STX8: variants seen among roughly 807,000 people sequenced by gnomAD.
STX8 encodes syntaxin 8, also known as syntaxin-8.
A neutral mutation model predicts 37.5 loss-of-function variants in STX8; 23 were observed. The ratio of observed to expected loss-of-function variants is 0.61; its 90% CI spans 0.44 to 0.87. STX8 has a LOEUF of 0.87. Among genes scored for constraint, STX8 ranks in the 40% least tolerant of loss-of-function variants. The pLI is 0.00. For synonymous variants in STX8, 115 were observed against 99.1 expected (o/e 1.16, Z -0.95); for missense variants, 313 against 284.7 (o/e 1.10, Z -0.71).
At chr17:9,428,887 C>A (rs757531249) in intron 6 of STX8, among the ~76,000 whole-genome samples, 5 of 152,112 alleles carry the variant, frequency 3.3e-5, no homozygotes, top group Non-Finnish European at 7.4e-5. Flanking sequence ...GTGGACAACA[C>A]CGGTCTATTC....
At chr17:9,396,529 G>A (rs1049164569) in intron 6 of STX8, among the ~76,000 whole-genome samples, 2 of 151,994 alleles carry the variant, frequency 1.3e-5, no homozygotes, top group African/African-American at 4.8e-5. Context: ...TGGCCAACAT[G>A]GTGAGACCCC....
At chr17:9,335,853 A>ACACT (rs1910123918) in intron 7 of STX8, among the ~76,000 whole-genome samples, 1 of 151,830 alleles carries the variant, frequency 6.6e-6, no homozygotes, top group Non-Finnish European at 1.5e-5. Flanking sequence ...ACACACTCAC[A>ACACT]CTCACGTAAA....
chr17:9,339,530 T>C (rs1462108537), intron 7 of STX8, among the ~76,000 whole-genome samples: 1 of 152,128 alleles, frequency 6.6e-6, no homozygotes, highest in Non-Finnish European at 1.5e-5. Flanking sequence ...GGCAGGTGCC[T>C]GTAATCCCAG....
intron 6 of STX8, among the ~76,000 whole-genome samples, chr17:9,420,607 A>C (rs1437013012): frequency 1.3e-5 from 2 of 151,998 alleles, no homozygotes; most frequent in East Asian, 3.9e-4. Context: ...CATGCTTACT[A>C]AGCTTCCTTC....
In STX8 at chr17:9,491,844, A is replaced by G; in HGVS notation, c.526T>C (p.Leu176=). 3.7e-6 allele frequency: 6 copies of G among 1,613,932 alleles called. No individual in the cohort carries two copies. Among genetic ancestry groups the G allele is most frequent in the Non-Finnish European group, 5.1e-6 (6 of 1,179,958 alleles). Residue 176 remains leucine, a synonymous_variant, in exon 6 of 8, where the codon TTG becomes CTG. Transcript: ENST00000306357. Reference sequence around the variant, plus strand: ...TTATTCTTACCATTTTGTTCATCCAATTCATTCCCAATTTCCTGCCCCATT... The same window carrying G: ...TTATTCTTACCATTTTGTTCATCCAGTTCATTCCCAATTTCCTGCCCCATT... ...KQMGQEIGNE[L]DEQNEIIDDL...
At chr17:9,431,329 A>G (rs890985986) in intron 6 of STX8, among the ~76,000 whole-genome samples, 16 of 150,570 alleles carry the variant, frequency 1.1e-4, no homozygotes, top group Admixed American at 2.0e-4. Context: ...TCGGCCTCCC[A>G]AAGTGCTGGG....
At chr17:9,352,088 G>T (rs1910725081) in intron 7 of STX8, among the ~76,000 whole-genome samples, 1 of 150,916 alleles carries the variant, frequency 6.6e-6, no homozygotes, top group African/African-American at 2.4e-5. Context: ...AAGATGGAGG[G>T]CTTCGGTGAG....
chr17:9,289,649 G>A (rs544650304), intron 7 of STX8, among the ~76,000 whole-genome samples: 11 of 151,634 alleles, frequency 7.3e-5, no homozygotes, highest in African/African-American at 2.2e-4. Flanking sequence ...GTGTGGTGGC[G>A]GGCGCCTGTA....
At chr17:9,520,003 T>C (rs1905288855) in intron 4 of STX8, among the ~76,000 whole-genome samples, 1 of 152,182 alleles carries the variant, frequency 6.6e-6, no homozygotes, top group Non-Finnish European at 1.5e-5. Context: ...GTTAGTTATT[T>C]ACTCATCTGT....
At chr17:9,441,662 A>G (rs978695256) in intron 6 of STX8, among the ~76,000 whole-genome samples, 2 of 147,378 alleles carry the variant, frequency 1.4e-5, no homozygotes, top group Non-Finnish European at 3.0e-5. Flanking sequence ...ATCTATGCTC[A>G]GCACCATGGC....
intron 2 of STX8, among the ~76,000 whole-genome samples, chr17:9,565,811 A>C (rs1301898036): frequency 6.6e-6 from 1 of 152,176 alleles, no homozygotes; most frequent in African/African-American, 2.4e-5. Context: ...AATTAACTTC[A>C]GATGGATTAA....
At chr17:9,308,822 C>T (rs1340489505) in intron 7 of STX8, among the ~76,000 whole-genome samples, 3 of 151,724 alleles carry the variant, frequency 2.0e-5, no homozygotes, top group Admixed American at 2.0e-4. Flanking sequence ...GCTTCTGAAG[C>T]CCTTCCAATG....
At chr17:9,433,516 A>C (rs1343108443) in intron 6 of STX8, among the ~76,000 whole-genome samples, 1 of 152,138 alleles carries the variant, frequency 6.6e-6, no homozygotes, top group Non-Finnish European at 1.5e-5. Flanking sequence ...GCCCTACTGG[A>C]GATAAGAAGT....
intron 7 of STX8, among the ~76,000 whole-genome samples, chr17:9,295,058 A>G (rs1205923984): frequency 6.6e-6 from 1 of 152,226 alleles, no homozygotes; most frequent in East Asian, 1.9e-4. Flanking sequence ...CTGTTGGCTA[A>G]GCAACCCCGC....
intron 4 of STX8, among the ~76,000 whole-genome samples, chr17:9,520,491 CTATCCA>C (rs888587160): frequency 1.5e-4 from 23 of 152,234 alleles, no homozygotes; most frequent in Admixed American, 7.2e-4. Flanking sequence ...TAAATGATTT[CTATCCA>C]TATTATTTCA....
intron 7 of STX8, among the ~76,000 whole-genome samples, chr17:9,313,663 G>A (rs1285001049): frequency 6.6e-6 from 1 of 152,200 alleles, no homozygotes; most frequent in African/African-American, 2.4e-5. Context: ...TCTCGCTTCT[G>A]TCGCCCAGGC....
At chr17:9,301,122 A>G (rs566717312) in intron 7 of STX8, among the ~76,000 whole-genome samples, 2 of 150,782 alleles carry the variant, frequency 1.3e-5, no homozygotes, top group South Asian at 4.2e-4. Context: ...GTGAGCCACC[A>G]CTCCTGGCCC....
intron 7 of STX8, among the ~76,000 whole-genome samples, chr17:9,256,762 G>A (rs1343191731): frequency 2.6e-5 from 4 of 152,296 alleles, no homozygotes; most frequent in South Asian, 4.1e-4. Context: ...TTTCAGGGGC[G>A]CAGCCGACCC....
intron 6 of STX8, among the ~76,000 whole-genome samples, chr17:9,460,686 AAACAAAAC>A (rs1208881584): frequency 2.1e-5 from 3 of 141,276 alleles, no homozygotes; most frequent in South Asian, 2.1e-4. Flanking sequence ...AAAAAAAAAA[AAACAAAAC>A]AAAACTACTA....
Sources: allele counts gnomAD v4.1 joint callset (sites outside exome capture counted in the v4.1 genomes callset), GRCh38; gene constraint gnomAD v4.1.1; transcripts MANE v1.5; gene names NCBI Gene and HGNC (gene_info 2026-07-23, HGNC 2026-07-21).